Variants in MAD1L1 observed in about 807,000 individuals in gnomAD.
MAD1L1 encodes the protein mitotic arrest deficient 1 like 1.
A neutral mutation model predicts 96.9 loss-of-function variants in MAD1L1; 95 were observed. That is an observed-to-expected ratio of 0.98 (90% CI 0.83 to 1.16). The LOEUF (loss-of-function observed/expected upper bound fraction) is 1.16. Ranked by LOEUF, MAD1L1 falls within the 50% of genes most tolerant of loss-of-function variation. The pLI is 0.00. For synonymous variants in MAD1L1, 473 were observed against 396.6 expected (o/e 1.19, Z -2.29); for missense variants, 1,007 against 954.4 (o/e 1.06, Z -0.73).
chr7:2,030,876 A>G (rs1053632293), intron 12 of MAD1L1, among the ~76,000 whole-genome samples: 55 of 152,234 alleles, frequency 3.6e-4, no homozygotes, highest in East Asian at 3.9e-4. Context: ...GAGCTTGATG[A>G]TACCATGTCT....
intron 10 of MAD1L1, among the ~76,000 whole-genome samples, chr7:2,172,757 T>TG (rs1790767266): frequency 1.3e-5 from 2 of 152,238 alleles, no homozygotes; most frequent in Admixed American, 1.3e-4. Flanking sequence ...AGAACCCACG[T>TG]GGCTGGCCGC....
intron 12 of MAD1L1, among the ~76,000 whole-genome samples, chr7:2,062,269 A>C (rs964140074): frequency 1.2e-4 from 17 of 145,946 alleles, no homozygotes; most frequent in Middle Eastern, 4.3e-3. Flanking sequence ...AAAAAAAAAA[A>C]AAAAAAACAG....
intron 11 of MAD1L1, among the ~76,000 whole-genome samples, chr7:2,132,424 G>A (rs968134704): frequency 2.4e-4 from 36 of 150,526 alleles, no homozygotes; most frequent in African/African-American, 8.3e-4. Context: ...TCACTGCTGC[G>A]TGCGACCGCG....
At chr7:1,932,903 T>A (rs71523287) in intron 17 of MAD1L1, among the ~76,000 whole-genome samples, 3,806 of 152,352 alleles carry the variant, frequency 0.025, 83 homozygotes, top group Middle Eastern at 0.11. Flanking sequence ...ACTTTCAGAC[T>A]TTCTCAACGT....
intron 18 of MAD1L1, among the ~76,000 whole-genome samples, chr7:1,826,251 C>G (rs562288153): frequency 6.6e-6 from 1 of 152,258 alleles, no homozygotes; most frequent in South Asian, 2.1e-4. Flanking sequence ...GCAGCAGCCA[C>G]CACCGAGCCC....
At chr7:2,005,685 C>G (rs1782000838) in intron 13 of MAD1L1, among the ~76,000 whole-genome samples, 1 of 152,080 alleles carries the variant, frequency 6.6e-6, no homozygotes, top group African/African-American at 2.4e-5. Context: ...ACTGTGGTCC[C>G]AGCTACTCAG....
intron 18 of MAD1L1, among the ~76,000 whole-genome samples, chr7:1,827,548 TCCCCTCCTG>T (rs1782475187): frequency 1.6e-5 from 2 of 127,570 alleles, no homozygotes; most frequent in East Asian, 4.7e-4. Flanking sequence ...TGTGGGGGCC[TCCCCTCCTG>T]AGCCCGTCCC....
intron 14 of MAD1L1, among the ~76,000 whole-genome samples, chr7:2,001,801 G>A (rs568740736): frequency 1.3e-5 from 2 of 152,316 alleles, no homozygotes; most frequent in South Asian, 2.1e-4. Context: ...GGCCTCATGC[G>A]GCAAACATGT....
chr7:1,838,737 T>C (rs1194949467), intron 18 of MAD1L1: 2 of 470,832 alleles, frequency 4.2e-6, no homozygotes, highest in African/African-American at 4.0e-5. Context: ...CAAGATAGAC[T>C]GTGATGATGG....
intron 11 of MAD1L1, among the ~76,000 whole-genome samples, chr7:2,102,542 C>T (rs1310430529): frequency 1.3e-5 from 2 of 152,080 alleles, no homozygotes; most frequent in Non-Finnish European, 2.9e-5. Context: ...ATCACCACCA[C>T]CGTCACCATC....
chr7:1,842,881 G>C (rs1347151281), intron 18 of MAD1L1, among the ~76,000 whole-genome samples: 1 of 152,240 alleles, frequency 6.6e-6, no homozygotes, highest in Non-Finnish European at 1.5e-5. Flanking sequence ...GGGCTGCCTT[G>C]CGGCTGGTTC....
chr7:2,200,214 C>T (rs1007180161), intron 10 of MAD1L1: 7 of 152,526 alleles, frequency 4.6e-5, no homozygotes, highest in Admixed American at 3.9e-4. Context: ...CCACACCCGC[C>T]CCGGGCCGCC....
chr7:2,046,938 C>T (rs1013598849), intron 12 of MAD1L1, among the ~76,000 whole-genome samples: 10 of 152,234 alleles, frequency 6.6e-5, no homozygotes, highest in Non-Finnish European at 2.9e-5. Context: ...ACACAACACC[C>T]CCTGGGCTGA....
At chr7:2,136,088 G>A (rs149516282) in intron 11 of MAD1L1, among the ~76,000 whole-genome samples, 226 of 152,126 alleles carry the variant, frequency 1.5e-3, no homozygotes, top group African/African-American at 5.3e-3. Flanking sequence ...ACAGGAAGCC[G>A]CACTTGCCCC....
intron 11 of MAD1L1, among the ~76,000 whole-genome samples, chr7:2,101,874 T>C (rs1786796248): frequency 6.6e-6 from 1 of 152,124 alleles, no homozygotes. Flanking sequence ...TGACACATGC[T>C]GGATAAACAC....
chr7:1,848,022 G>C, intron 18 of MAD1L1: 1 of 339,570 alleles, frequency 2.9e-6, no homozygotes, highest in South Asian at 2.3e-5. Flanking sequence ...TCTCATGACA[G>C]AGAAGCGGCT....
chr7:2,074,789 C>T (rs1181638876), intron 11 of MAD1L1, among the ~76,000 whole-genome samples: 2 of 152,186 alleles, frequency 1.3e-5, no homozygotes, highest in African/African-American at 4.8e-5. Context: ...AGGCCATCAG[C>T]AAACCAGCAA....
At chr7:2,209,542 C>G (rs148864839) in intron 10 of MAD1L1, among the ~76,000 whole-genome samples, 8 of 152,338 alleles carry the variant, frequency 5.3e-5, no homozygotes, top group African/African-American at 1.9e-4. Flanking sequence ...ACATCCCCAT[C>G]GACCAAAACC....
intron 18 of MAD1L1, among the ~76,000 whole-genome samples, chr7:1,895,023 A>G (rs1253548580): frequency 6.6e-6 from 1 of 152,150 alleles, no homozygotes; most frequent in Non-Finnish European, 1.5e-5. Context: ...GAAAAACACA[A>G]GGTGGCACGT....
Sources: allele counts gnomAD v4.1 joint callset (sites outside exome capture counted in the v4.1 genomes callset), GRCh38; gene constraint gnomAD v4.1.1; transcripts MANE v1.5; gene names NCBI Gene and HGNC (gene_info 2026-07-23, HGNC 2026-07-21).